RBFOX1: variants seen among roughly 807,000 people sequenced by gnomAD.
RBFOX1 encodes the protein RNA binding protein fox-1 homolog 1.
In RBFOX1, 8 loss-of-function variants were observed where a neutral mutation model predicts 57.7. That is an observed-to-expected ratio of 0.14 (90% confidence interval 0.08 to 0.25). The LOEUF is 0.25. RBFOX1 is among the 10% of genes least tolerant of loss of function. The pLI, the probability that RBFOX1 is intolerant of heterozygous loss-of-function variation, is 1.00. For missense variants in RBFOX1, 611 were observed against 548.5 expected (o/e 1.11, Z -1.14); for synonymous variants, 326 against 222.4 (o/e 1.47, Z -4.15).
chr16:6,271,546 G>A (rs2152675110), intron 1 of RBFOX1, among the ~76,000 whole-genome samples: 1 of 152,324 alleles, frequency 6.6e-6, no homozygotes, highest in East Asian at 1.9e-4. Flanking sequence ...TTGAACAGAT[G>A]AGTAAGACAA....
At chr16:7,689,990 G>A (rs1287521153) in intron 14 of RBFOX1, among the ~76,000 whole-genome samples, 1 of 152,108 alleles carries the variant, frequency 6.6e-6, no homozygotes, top group Non-Finnish European at 1.5e-5. Flanking sequence ...TGGCCAAACA[G>A]AAGCTGCAAA....
intron 3 of RBFOX1, among the ~76,000 whole-genome samples, chr16:6,961,840 A>G (rs2083087677): frequency 6.6e-6 from 1 of 152,192 alleles, no homozygotes; most frequent in Non-Finnish European, 1.5e-5. Context: ...AGAGCAAACC[A>G]GAAGTCACTT....
At chr16:7,449,189 A>G (rs1727355585) in intron 4 of RBFOX1, among the ~76,000 whole-genome samples, 1 of 152,060 alleles carries the variant, frequency 6.6e-6, no homozygotes, top group African/African-American at 2.4e-5. Context: ...CTAGCCTCCC[A>G]AAGTGCTGGG....
intron 3 of RBFOX1, among the ~76,000 whole-genome samples, chr16:6,732,283 A>T (rs1315846865): frequency 1.3e-5 from 2 of 152,178 alleles, no homozygotes; most frequent in Non-Finnish European, 2.9e-5. Flanking sequence ...CCACAGTGAA[A>T]TTCCAGCTCC....
At position 5,571,215 on chromosome 16, in the gene RBFOX1, C is replaced by CTTTTT. The variant is rs34409151; in HGVS notation, c.259-27668_259-27664dup. Reference sequence around the variant, plus strand: ...TGGTAGTGAAGTGACCCATCTTTGACTTTTTTTTTTTTTTTTTTTTTTTGA... The same window carrying CTTTTT: ...TGGTAGTGAAGTGACCCATCTTTGACTTTTTTTTTTTTTTTTTTTTTTTTTTTTGA... On this transcript the variant is annotated intron_variant, in intron 2 of 2. Coordinates refer to the RBFOX1 transcript ENST00000585867. Among the ~76,000 whole-genome samples, 98 of 79,808 alleles carry CTTTTT rather than the reference C, an allele frequency of 1.2e-3. 2 individuals carry two copies. The highest frequency in any genetic ancestry group is 3.0e-3 in the African/African-American group (59 of 19,702). The allele number at this position is 79,808 out of a possible 152,430, so 52.4% of individuals were successfully genotyped here. A position where few individuals can be genotyped will look rare whatever the true frequency, so the allele number is the denominator to read the frequency against.
chr16:6,485,735 G>C (rs929557136), intron 2 of RBFOX1, among the ~76,000 whole-genome samples: 1 of 152,116 alleles, frequency 6.6e-6, no homozygotes, highest in Non-Finnish European at 1.5e-5. Context: ...CCCAAATTGA[G>C]GGTTTATACG....
At chr16:6,875,161 G>A (rs1477667178) in intron 3 of RBFOX1, among the ~76,000 whole-genome samples, 1 of 152,136 alleles carries the variant, frequency 6.6e-6, no homozygotes, top group Non-Finnish European at 1.5e-5. Flanking sequence ...TGCCTACAGT[G>A]CTTGTGCACA....
chr16:6,019,886 C>T lies in RBFOX1; in HGVS notation c.-233C>T, dbSNP rs2095032752. 2.0e-6 allele frequency: 3 copies of T among 1,534,894 alleles called. No homozygotes were observed. Among genetic ancestry groups the T allele is most frequent in the East Asian group, 2.4e-5 (1 of 40,840 alleles). On this transcript the variant is annotated 5_prime_UTR_variant, in exon 1 of 16. Transcript: ENST00000550418. This position sits in a 1 kb window ranked among gnomAD's most constrained non-coding sequence, Gnocchi z 4.2. ...CGTGAGAAACCAGCACCCCCTTCCG[C>T]CGCCTCCAGCTTATGGTGAGTGTGG...
intron 1 of RBFOX1, among the ~76,000 whole-genome samples, chr16:6,095,961 C>A (rs1397148653): frequency 2.0e-5 from 3 of 152,202 alleles, no homozygotes; most frequent in African/African-American, 7.2e-5. Flanking sequence ...GCCCAGATCT[C>A]AGCCACCCAG....
At chr16:7,239,447 C>T (rs556954495) in intron 4 of RBFOX1, among the ~76,000 whole-genome samples, 3 of 152,106 alleles carry the variant, frequency 2.0e-5, no homozygotes, top group African/African-American at 7.2e-5. Context: ...TTCAGTGAGC[C>T]TAGATCGTGC....
At chr16:5,895,308 G>A (rs2058138726) in intron 4 of RBFOX1, among the ~76,000 whole-genome samples, 1 of 152,146 alleles carries the variant, frequency 6.6e-6, no homozygotes, top group African/African-American at 2.4e-5. Context: ...AGAACTTGTA[G>A]AAAATCCCAG....
At chr16:5,580,649 G>A (rs1291580207) in intron 2 of RBFOX1, among the ~76,000 whole-genome samples, 1 of 152,168 alleles carries the variant, frequency 6.6e-6, no homozygotes, top group African/African-American at 2.4e-5. Flanking sequence ...TCCCCACACT[G>A]GATACCTTTG....
intron 3 of RBFOX1, among the ~76,000 whole-genome samples, chr16:5,760,666 A>G (rs2053563132): frequency 6.6e-6 from 1 of 152,218 alleles, no homozygotes; most frequent in South Asian, 2.1e-4. Flanking sequence ...ATCTTGTACA[A>G]TTCAATTTAT....
intron 1 of RBFOX1, among the ~76,000 whole-genome samples, chr16:6,050,261 G>C (rs1275129013): frequency 1.3e-5 from 2 of 152,128 alleles, no homozygotes; most frequent in Non-Finnish European, 2.9e-5. Context: ...TACCCAGCCT[G>C]TATTAAGCAT....
chr16:5,325,313 C>T (rs1161663958), intron 1 of RBFOX1, among the ~76,000 whole-genome samples: 3 of 152,066 alleles, frequency 2.0e-5, no homozygotes, highest in Non-Finnish European at 2.9e-5. Flanking sequence ...CATGGAAACA[C>T]GAGACTCACT....
At position 6,387,471 on chromosome 16, in the gene RBFOX1, GA is replaced by G. The variant is rs36100228; in HGVS notation, c.-64+70429del. 2.4e-3 allele frequency among the ~76,000 whole-genome samples: 310 copies of G among 129,980 alleles called. 1 individual carries two copies. The highest frequency in any genetic ancestry group is 4.5e-3 in the African/African-American group (154 of 34,140). 85.3% of individuals were successfully genotyped at this position (129,980 alleles called of 152,430 possible). A position where few individuals can be genotyped will look rare whatever the true frequency, so the allele number is the denominator to read the frequency against. On this transcript the variant is annotated intron_variant, in intron 2 of 15. Transcript: ENST00000550418. ...CCTAGATATGAAAGGACTTGATTAG[GA>G]AAAAAAAAAAAAAACCTTTTGAAGA...
At chr16:5,421,804 A>T (rs781670570) in intron 1 of RBFOX1, among the ~76,000 whole-genome samples, 1 of 152,232 alleles carries the variant, frequency 6.6e-6, no homozygotes, top group African/African-American at 2.4e-5. Flanking sequence ...GAAACCCAAT[A>T]GAAAAATGGA....
intron 1 of RBFOX1, among the ~76,000 whole-genome samples, chr16:5,268,597 T>C: frequency 6.6e-6 from 1 of 152,220 alleles, no homozygotes; most frequent in African/African-American, 2.4e-5. Flanking sequence ...TATGAGCAAC[T>C]GATGAAGTCA....
At chr16:5,582,859 C>G (rs2046717827) in intron 2 of RBFOX1, among the ~76,000 whole-genome samples, 1 of 152,170 alleles carries the variant, frequency 6.6e-6, no homozygotes, top group African/African-American at 2.4e-5. Context: ...TAGATTCTGC[C>G]TCTCATTCAA....
Sources: gnomAD v4.1 joint callset for allele counts (sites outside exome capture counted in the v4.1 genomes callset) on GRCh38, gnomAD v4.1.1 for gene constraint, Gnocchi (gnomAD v3.1) non-coding constraint, MANE v1.5 for transcripts, NCBI Gene and HGNC (gene_info 2026-07-23, HGNC 2026-07-21) for gene names.